RPS6KC1: variants seen among roughly 807,000 people sequenced by gnomAD.
The protein encoded by RPS6KC1 is ribosomal protein S6 kinase C1, also known as inactive ribosomal protein S6 kinase delta-1.
A neutral mutation model predicts 103.8 loss-of-function variants in RPS6KC1; 54 were observed. The observed-to-expected ratio is 0.52, with a 90% CI of 0.42 to 0.65. The LOEUF is 0.65. Among genes scored for constraint, RPS6KC1 ranks in the 30% least tolerant of loss-of-function variants. RPS6KC1 has a pLI of 0.00. For missense variants in RPS6KC1, 1,151 were observed against 1,253.8 expected, an observed-to-expected ratio of 0.92 and a Z score of 1.24; for synonymous variants, 439 against 438.7, an observed-to-expected ratio of 1.00 and a Z score of -0.01.
At chr1:213,441,858 C>T in the RPS6KC1 span, among the ~76,000 whole-genome samples, 2 of 152,196 alleles carry the variant, frequency 1.3e-5, no homozygotes, top group Non-Finnish European at 2.9e-5. Context: ...ATGTTCTCAA[C>T]ACAAAAAGTG....
the RPS6KC1 span, among the ~76,000 whole-genome samples, chr1:213,822,752 C>T: frequency 6.6e-6 from 1 of 152,206 alleles, no homozygotes; most frequent in East Asian, 1.9e-4. Flanking sequence ...CAACATGTTA[C>T]AGAAGTAAGT....
chr1:213,199,851 C>T (rs1202034089), intron 8 of RPS6KC1, among the ~76,000 whole-genome samples: 2 of 152,094 alleles, frequency 1.3e-5, no homozygotes, highest in Non-Finnish European at 2.9e-5. Flanking sequence ...AACAGTCAAG[C>T]CACGAGCCAA....
the RPS6KC1 span, among the ~76,000 whole-genome samples, chr1:213,606,892 A>G: frequency 6.6e-6 from 1 of 152,220 alleles, no homozygotes; most frequent in Non-Finnish European, 1.5e-5. Flanking sequence ...AGGCATTGTA[A>G]TAGACACCTT....
In RPS6KC1 at chr1:213,129,534, C is replaced by T. The variant is rs1292690523; in HGVS notation, c.480C>T (p.Ser160=). The T allele has an allele frequency of 1.0e-5, 16 of 1,603,662 alleles. No individual in the cohort carries two copies. The highest frequency in any genetic ancestry group is 1.7e-5 in the Admixed American group (1 of 58,038). Reference sequence around the variant, plus strand: ...TTGTGATCATATTTCTAGGCTTCTCCAGTGACAGTGATCTGGTATCTCTTA... The same window carrying T: ...TTGTGATCATATTTCTAGGCTTCTCTAGTGACAGTGATCTGGTATCTCTTA... ...TFPECSTEGF[S]SDSDLVSLTV... Residue 160 remains serine, a synonymous_variant, in exon 6 of 15, where the codon TCC becomes TCT. Transcript: ENST00000366960.
At position 213,073,318 on chromosome 1, in the gene RPS6KC1, C is replaced by T. The variant is rs538885374; in HGVS notation, c.141+2277C>T. Among the ~76,000 whole-genome samples the T allele has an allele frequency of 1.6e-4, 24 of 152,314 alleles. 1 individual carries two copies. In the South Asian group the frequency reaches 3.7e-3, roughly 24 times the overall value. ...TTAACAAAATGTAGGGCTAGTAATA[C>T]GCTAGCCTTATAAAATAGGAGAAAT... On this transcript the variant is annotated intron_variant, in intron 2 of 14. Transcript: ENST00000366960.
At chr1:213,152,050 G>A (rs2089126020) in intron 6 of RPS6KC1, among the ~76,000 whole-genome samples, 3 of 142,780 alleles carry the variant, frequency 2.1e-5, no homozygotes. Flanking sequence ...TGGCCGGGCG[G>A]GGGGCTAACC....
chr1:213,424,222 C>G, the RPS6KC1 span, among the ~76,000 whole-genome samples: 1 of 152,218 alleles, frequency 6.6e-6, no homozygotes, highest in Admixed American at 6.5e-5. Flanking sequence ...CCTAAGAAGA[C>G]TTTTCCAACT....
the RPS6KC1 span, among the ~76,000 whole-genome samples, chr1:213,727,634 T>A: frequency 1.3e-3 from 205 of 152,234 alleles, 9 homozygotes; most frequent in East Asian, 0.031. Context: ...TTAAAGTAAT[T>A]CTTTGCCAGG....
chr1:213,728,931 A>G, the RPS6KC1 span, among the ~76,000 whole-genome samples: 3 of 88,294 alleles, frequency 3.4e-5, no homozygotes, highest in South Asian at 3.8e-4. Flanking sequence ...TCCCCAGAAC[A>G]TGAGGGTTTT....
At chr1:213,059,105 C>T (rs922891589) in intron 1 of RPS6KC1, among the ~76,000 whole-genome samples, 3 of 152,058 alleles carry the variant, frequency 2.0e-5, no homozygotes, top group Admixed American at 6.6e-5. Flanking sequence ...CTTTATATCA[C>T]GTGACTTTTT....
At chr1:213,198,969 G>A (rs957062371) in intron 8 of RPS6KC1, among the ~76,000 whole-genome samples, 4 of 151,580 alleles carry the variant, frequency 2.6e-5, no homozygotes, top group African/African-American at 7.3e-5. Flanking sequence ...CCAGTAACAG[G>A]TCCTGAAATT....
the RPS6KC1 span, among the ~76,000 whole-genome samples, chr1:213,528,698 C>T: frequency 1.4e-4 from 21 of 152,028 alleles, no homozygotes; most frequent in African/African-American, 3.9e-4. Context: ...TTAATGTCAT[C>T]TCAGATCCTG....
chr1:213,470,624 T>G, the RPS6KC1 span, among the ~76,000 whole-genome samples: 1 of 147,744 alleles, frequency 6.8e-6, no homozygotes, highest in South Asian at 2.2e-4. Context: ...TTTTTTTTTT[T>G]TTTTTTTTTT....
At chr1:213,078,575 T>C (rs1470896022) in intron 3 of RPS6KC1, among the ~76,000 whole-genome samples, 1 of 152,174 alleles carries the variant, frequency 6.6e-6, no homozygotes, top group Admixed American at 6.5e-5. Context: ...CTAATTTTTG[T>C]ATTTTTAGTA....
chr1:213,854,554 T>TTCTTTCTTTC, the RPS6KC1 span, among the ~76,000 whole-genome samples: 333 of 108,444 alleles, frequency 3.1e-3, 3 homozygotes, highest in South Asian at 0.015. Flanking sequence ...CTTTCTTTCT[T>TTCTTTCTTTC]TCTTTCTTTC....
chr1:213,213,551 A>G (rs1013065024), intron 8 of RPS6KC1, among the ~76,000 whole-genome samples: 1 of 152,200 alleles, frequency 6.6e-6, no homozygotes, highest in African/African-American at 2.4e-5. Context: ...GCATTTCTAC[A>G]TAAAGTTTAG....
At chr1:213,661,848 A>G in the RPS6KC1 span, among the ~76,000 whole-genome samples, 6 of 152,154 alleles carry the variant, frequency 3.9e-5, no homozygotes, top group African/African-American at 1.2e-4. Flanking sequence ...ATAAAAGTAA[A>G]TTTTCTAGAT....
At chr1:213,581,805 GTAT>G in the RPS6KC1 span, among the ~76,000 whole-genome samples, 1 of 152,168 alleles carries the variant, frequency 6.6e-6, no homozygotes, top group Non-Finnish European at 1.5e-5. Flanking sequence ...GCATTCGCTG[GTAT>G]TATGCTTTTT....
At chr1:213,325,379 G>C in the RPS6KC1 span, among the ~76,000 whole-genome samples, 5 of 152,226 alleles carry the variant, frequency 3.3e-5, no homozygotes, top group Non-Finnish European at 7.3e-5. Context: ...CAGGGTTTGA[G>C]TTGGCTGTAA....
Sources: allele counts gnomAD v4.1 joint callset (sites outside exome capture counted in the v4.1 genomes callset), GRCh38; gene constraint gnomAD v4.1.1; transcripts MANE v1.5; gene names NCBI Gene and HGNC (gene_info 2026-07-23, HGNC 2026-07-21).